Variants in ARHGAP21 observed in about 807,000 individuals in gnomAD.
ARHGAP21 encodes Rho GTPase activating protein 21.
Under a neutral mutation model 164.6 loss-of-function variants are expected in ARHGAP21, and 38 were observed. The ratio of observed to expected loss-of-function variants is 0.23; its 90% CI spans 0.18 to 0.30. ARHGAP21 has a LOEUF of 0.30. Ranked by LOEUF, ARHGAP21 falls within the 10% of genes least tolerant of loss-of-function variation. The pLI is 1.00. For missense variants in ARHGAP21, 1,822 were observed against 2,370.7 expected, an observed-to-expected ratio of 0.77 and a Z score of 4.81; for synonymous variants, 766 against 857.9, an observed-to-expected ratio of 0.89 and a Z score of 1.87.
chr10:24,607,837 G>A lies in ARHGAP21; in HGVS notation c.2489C>T (p.Ala830Val), dbSNP rs1361121498. ...TATGGAGGGGACCTGAGAGGTAGAG[G>A]CTGATATAACAGCAGAGGCAGGGAT... ...AHIPASAVIS[A>V]STSQVPSIAT... is the part of the protein sequence containing the mutation. The change falls in exon 10 of 26, where the codon GCC becomes GTC. Residue 830 changes from alanine (A) to valine (V), a missense_variant. Coordinates refer to ENST00000396432, the MANE Select transcript of ARHGAP21 (RefSeq NM_020824.4). 2 of 1,613,960 alleles carry A rather than the reference G, an allele frequency of 1.2e-6. No homozygotes were observed. Among genetic ancestry groups the A allele is most frequent in the Admixed American group, 1.7e-5 (1 of 59,984 alleles).
chr10:24,669,936 T>C (rs1162150384), intron 3 of ARHGAP21, among the ~76,000 whole-genome samples: 1 of 152,210 alleles, frequency 6.6e-6, no homozygotes, highest in Non-Finnish European at 1.5e-5. Flanking sequence ...CAGTTACATA[T>C]TAGAAAAAGT....
chr10:24,622,955 G>T (rs1834728230), intron 7 of ARHGAP21, 193 bp from the exon 8 acceptor site: 2 of 513,576 alleles, frequency 3.9e-6, no homozygotes, highest in South Asian at 3.1e-5. Context: ...TTTTTCTCAG[G>T]CTTTTATCTG....
chr10:24,666,834 T>TA (rs1840242804), intron 4 of ARHGAP21, 151 bp downstream of exon 4: 1 of 506,454 alleles, frequency 2.0e-6, no homozygotes, highest in Non-Finnish European at 3.4e-6. Context: ...AAGTCCACAG[T>TA]AAAAAACATT....
chr10:24,651,195 C>T (rs551657651), intron 4 of ARHGAP21, among the ~76,000 whole-genome samples: 3 of 152,194 alleles, frequency 2.0e-5, no homozygotes, highest in Non-Finnish European at 4.4e-5. Flanking sequence ...GATCCATCAC[C>T]ATGTTCACAC....
chr10:24,636,261 A>G (rs933174043), intron 4 of ARHGAP21, among the ~76,000 whole-genome samples: 7 of 152,240 alleles, frequency 4.6e-5, no homozygotes, highest in Admixed American at 1.3e-4. Context: ...GACAAACAGC[A>G]TAAGTATTGT....
intron 9 of ARHGAP21, among the ~76,000 whole-genome samples, chr10:24,618,110 T>G (rs949281565): frequency 1.3e-5 from 2 of 152,198 alleles, no homozygotes; most frequent in African/African-American, 4.8e-5. Context: ...ATTTCTCACT[T>G]ATAAAATGAA....
intron 2 of ARHGAP21, among the ~76,000 whole-genome samples, chr10:24,701,133 G>A (rs972418746): frequency 3.3e-5 from 5 of 152,126 alleles, no homozygotes; most frequent in African/African-American, 7.2e-5. Context: ...CAGGAGGAGC[G>A]GAGGAGGAAG....
intron 2 of ARHGAP21, among the ~76,000 whole-genome samples, chr10:24,704,534 G>A (rs948145802): frequency 6.7e-6 from 1 of 150,328 alleles, no homozygotes; most frequent in African/African-American, 2.5e-5. Flanking sequence ...GCACAATCTC[G>A]GCTCACTGCA....
intron 21 of ARHGAP21, among the ~76,000 whole-genome samples, 169 bp from the exon 22 acceptor site, chr10:24,592,181 T>TTC (rs1491367328): frequency 2.4e-5 from 2 of 84,814 alleles, no homozygotes; most frequent in African/African-American, 4.4e-5. Flanking sequence ...TTTTTTTTTT[T>TTC]CTGAGACAGG....
Position 24,620,543 on chromosome 10 carries a change from A to G in ARHGAP21, c.1352T>C (p.Val451Ala), listed in dbSNP as rs1357442058. 2.5e-6 allele frequency: 4 copies of G among 1,613,828 alleles called. No individual in the cohort carries two copies. The East Asian group carries it at 8.9e-5, about 36-fold the overall frequency. ...GGACACACTGCGTTGCCGTATCTGG[A>G]CAGACTGGGGCACTCGATCATGAGA... The part of the protein sequence containing the change: ...STSHDRVPQS[V>A]QIRQRSVSQE... Residue 451 changes from valine (V) to alanine (A), a missense_variant, in exon 9 of 26, where the codon GTC (valine) becomes GCC (alanine). By Grantham distance (64) the Val-to-Ala change is moderately conservative. Around this residue, in one of 5 missense-constraint regions of ARHGAP21, gnomAD observed 1,090 missense variants for 1,378.9 expected, o/e 0.79. Transcript: ENST00000396432.
At chr10:24,611,476 G>A (rs1466099057) in intron 9 of ARHGAP21, among the ~76,000 whole-genome samples, 1 of 152,128 alleles carries the variant, frequency 6.6e-6, no homozygotes, top group African/African-American at 2.4e-5. Context: ...GGCCAAGGTG[G>A]GATGATCACT....
At position 24,667,000 on chromosome 10, in the gene ARHGAP21, T is replaced by G. The variant is rs772514667; in HGVS notation, c.253A>C (p.Asn85His). ...TATAGCATACCTCCTCTGTTTCCAT[T>G]TTCTTCATCCTACAAATGAAAATAT... ...AIQFSYKDEE[N>H]GNRGGKQRNR... is the part of the protein sequence containing the mutation. The change falls in exon 4 of 26, where the codon AAT becomes CAT. Residue 85 changes from asparagine (N) to histidine (H), a missense_variant. Around this residue, in one of 5 missense-constraint regions of ARHGAP21, gnomAD observed 1,090 missense variants for 1,378.9 expected, o/e 0.79. Transcript: ENST00000396432. The G allele has an allele frequency of 7.0e-6, 10 of 1,419,922 alleles. No individual in the cohort carries two copies. Among genetic ancestry groups the G allele is most frequent in the Non-Finnish European group, 9.7e-6 (10 of 1,034,096 alleles). 88.0% of individuals were successfully genotyped at this position (1,419,922 alleles called of 1,614,324 possible).
At chr10:24,718,573 T>C (rs1845627201) in intron 2 of ARHGAP21, among the ~76,000 whole-genome samples, 1 of 152,026 alleles carries the variant, frequency 6.6e-6, no homozygotes, top group Non-Finnish European at 1.5e-5. Flanking sequence ...AGAGAGCGCC[T>C]GAGAAGGAAC....
At chr10:24,697,960 G>A (rs1011455951) in intron 2 of ARHGAP21, among the ~76,000 whole-genome samples, 1 of 152,162 alleles carries the variant, frequency 6.6e-6, no homozygotes, top group South Asian at 2.1e-4. Flanking sequence ...ACTGCATTTG[G>A]GGGGGAAATT....
At chr10:24,628,952 CTAT>C (rs1835495009) in intron 7 of ARHGAP21, 1 of 13,764 alleles carries the variant, frequency 7.3e-5, no homozygotes, top group South Asian at 4.6e-3. Flanking sequence ...CACACACACA[CTAT>C]ATATATATAT....
intron 7 of ARHGAP21, among the ~76,000 whole-genome samples, chr10:24,624,560 G>A (rs1440337018): frequency 2.0e-5 from 3 of 151,460 alleles, no homozygotes; most frequent in Non-Finnish European, 4.4e-5. Flanking sequence ...GGTTGGTCTC[G>A]AACTCCTGAC....
intron 4 of ARHGAP21, 86 bp from the exon 5 acceptor site, chr10:24,635,189 A>G: frequency 1.2e-6 from 1 of 825,170 alleles, no homozygotes; most frequent in Non-Finnish European, 1.8e-6. Context: ...GAGAGAATTA[A>G]GCAAAGCTTT....
At chr10:24,592,156 A>ATTTTTTTTTTTTTTTTTTTTTTT (rs57846258) in intron 21 of ARHGAP21, 144 bp from the exon 22 acceptor site, 3 of 205,776 alleles carry the variant, frequency 1.5e-5, no homozygotes, top group Non-Finnish European at 7.5e-6. Flanking sequence ...TTCTAGCAAG[A>ATTTTTTTTTTTTTTTTTTTTTTT]TTTTTTTTTT....
intron 11 of ARHGAP21, among the ~76,000 whole-genome samples, chr10:24,606,745 G>A (rs995245908): frequency 1.2e-4 from 18 of 152,182 alleles, no homozygotes; most frequent in African/African-American, 3.9e-4. Context: ...GGAGGCTGAC[G>A]CAGGAGAATC....
Sources: gnomAD v4.1 joint callset for allele counts (sites outside exome capture counted in the v4.1 genomes callset) on GRCh38, gnomAD v4.1.1 for gene constraint, gnomAD v4.1.1 regional missense constraint, MANE v1.5 for transcripts, NCBI Gene and HGNC (gene_info 2026-07-23, HGNC 2026-07-21) for gene names.